IFIH1: variants seen among roughly 807,000 people sequenced by gnomAD.
The protein encoded by IFIH1 is interferon-induced helicase C domain-containing protein 1.
Under a neutral mutation model 107.4 loss-of-function variants are expected in IFIH1, and 125 were observed. The observed-to-expected ratio is 1.16, with a 90% CI of 1.01 to 1.35. IFIH1 has a LOEUF of 1.35. Among genes scored for constraint, IFIH1 ranks in the 40% most tolerant of loss-of-function variants. IFIH1 has a pLI of 0.00. For synonymous variants in IFIH1, 458 were observed against 413.2 expected, an observed-to-expected ratio of 1.11 and a Z score of -1.31; for missense variants, 1,333 against 1,213.7, an observed-to-expected ratio of 1.10 and a Z score of -1.46.
chr2:162,288,308 G>A lies in IFIH1; in HGVS notation c.922C>T (p.Leu308Phe). 6.2e-7 allele frequency: 1 copy of A among 1,612,740 alleles called. No individual in the cohort carries two copies. Among genetic ancestry groups the A allele is most frequent in the Non-Finnish European group, 8.5e-7 (1 of 1,179,196 alleles). The change falls in exon 5 of 16, where the codon CTC (leucine) becomes TTC (phenylalanine). Residue 308 changes from leucine to phenylalanine, a missense_variant. Coordinates refer to ENST00000649979, the MANE Select transcript of IFIH1 (RefSeq NM_022168.4). Reference protein sequence around the residue: ...ARASPEPELQLRPYQMEVAQP... With the variant: ...ARASPEPELQFRPYQMEVAQP... Reference sequence around the variant, plus strand: ...GCAACTTCCATTTGGTAAGGCCTGAGCTGGAGTTCTGGCTCCGGGGATGCT... The same window carrying A: ...GCAACTTCCATTTGGTAAGGCCTGAACTGGAGTTCTGGCTCCGGGGATGCT...
chr2:162,314,434 T>TTCTTTCTTTCTTTCTC lies in IFIH1; in HGVS notation c.453+3420_453+3421insGAGAAAGAAAGAAAGA, dbSNP rs1558877513. Among the ~76,000 whole-genome samples, 109 of 114,308 alleles carry TTCTTTCTTTCTTTCTC rather than the reference T, an allele frequency of 9.5e-4. 2 individuals are homozygous for TTCTTTCTTTCTTTCTC. Among genetic ancestry groups the TTCTTTCTTTCTTTCTC allele is most frequent in the Non-Finnish European group, 4.2e-4 (26 of 61,664 alleles). 75.0% of individuals were successfully genotyped at this position (114,308 alleles called of 152,430 possible). ...TTCTTTCTTTTCTTTCTTTCTTTCTTTCTTTCTTTCTTTCTTTCTTTCTTT... is the reference window on the plus strand; with the variant it reads ...TTCTTTCTTTTCTTTCTTTCTTTCTTTCTTTCTTTCTTTCTCTCTTTCTTTCTTTCTTTCTTTCTTT... On this transcript the variant is annotated intron_variant, in intron 1 of 15. Transcript: ENST00000649979.
At chr2:162,308,503 C>A (rs1367910231) in intron 2 of IFIH1, among the ~76,000 whole-genome samples, 1 of 151,938 alleles carries the variant, frequency 6.6e-6, no homozygotes, top group Non-Finnish European at 1.5e-5. Flanking sequence ...CTCAGCCTTC[C>A]AAGTAGCTGG....
intron 1 of IFIH1, among the ~76,000 whole-genome samples, chr2:162,315,226 G>A (rs960406198): frequency 2.0e-5 from 3 of 152,108 alleles, no homozygotes; most frequent in African/African-American, 7.2e-5. Flanking sequence ...TCTAACGCCT[G>A]GCAACACAAT....
chr2:162,304,166 C>T (rs946061873), intron 3 of IFIH1, among the ~76,000 whole-genome samples: 3 of 152,038 alleles, frequency 2.0e-5, no homozygotes, highest in African/African-American at 4.8e-5. Context: ...AAGGTGGAAT[C>T]GCATTACATT....
rs181772845 is a variant in IFIH1, at chr2:162,305,478, G to A, written c.769+1231C>T. Among the ~76,000 whole-genome samples the A allele has an allele frequency of 6.0e-3, 911 of 152,198 alleles. 11 individuals carry two copies. Among genetic ancestry groups the A allele is most frequent in the Middle Eastern group, 0.037 (11 of 294 alleles). On this transcript the variant is annotated intron_variant, in intron 3 of 15. Coordinates refer to ENST00000649979, the MANE Select transcript of IFIH1 (RefSeq NM_022168.4). ...CCAGCTACTTGGGAGGCTGAGGCAGGAGAATCACTTGAACCCGGGAGGTGA... is the reference window on the plus strand; with the variant it reads ...CCAGCTACTTGGGAGGCTGAGGCAGAAGAATCACTTGAACCCGGGAGGTGA...
chr2:162,310,268 G>A, intron 2 of IFIH1: 1 of 157,384 alleles, frequency 6.4e-6, no homozygotes, highest in African/African-American at 2.4e-5. Context: ...AAATAATGTA[G>A]GAGAAGGAGC....
intron 5 of IFIH1, among the ~76,000 whole-genome samples, chr2:162,284,535 G>A (rs762221732): frequency 1.3e-5 from 2 of 151,952 alleles, no homozygotes; most frequent in African/African-American, 2.4e-5. Flanking sequence ...GGGTGCAGTG[G>A]CAAAGGAAGA....
chr2:162,317,869 C>A lies in IFIH1; in HGVS notation c.439G>T (p.Glu147Ter). 6.3e-7 allele frequency: 1 copy of A among 1,581,856 alleles called. No homozygotes were observed. The highest frequency in any genetic ancestry group is 8.6e-7 in the Non-Finnish European group (1 of 1,164,784). Reference protein sequence around the residue: ...KCMEEELLTIEDRNRIAAAEN... With the variant: ...KCMEEELLTI ...CAGACACCTACCCGGTTTCTGTCTT[C>A]AATTGTCAACAGTTCCTCCTCCATG... is the stretch of plus-strand genomic sequence containing the variant. Residue 147 changes from glutamate to a stop codon, truncating the protein, a stop_gained, in exon 1 of 16, where the codon GAA becomes TAA. Transcript: ENST00000649979. LOFTEE classifies it high-confidence loss of function.
At chr2:162,304,301 A>C (rs1683242552) in intron 3 of IFIH1, among the ~76,000 whole-genome samples, 1 of 152,192 alleles carries the variant, frequency 6.6e-6, no homozygotes, top group Non-Finnish European at 1.5e-5. Context: ...TTCTCTAAAA[A>C]AAATACAAAA....
chr2:162,303,386 G>A (rs1419939187), intron 3 of IFIH1, among the ~76,000 whole-genome samples: 1 of 152,142 alleles, frequency 6.6e-6, no homozygotes, highest in African/African-American at 2.4e-5. Flanking sequence ...AAAGTCCTGG[G>A]ATTACAGGTG....
intron 2 of IFIH1, among the ~76,000 whole-genome samples, chr2:162,307,845 TCA>T (rs1451755955): frequency 6.6e-6 from 1 of 152,218 alleles, no homozygotes; most frequent in Non-Finnish European, 1.5e-5. Context: ...TATTTTGCAC[TCA>T]CAATATAAAT....
intron 7 of IFIH1, among the ~76,000 whole-genome samples, chr2:162,280,815 A>G (rs1430480081): frequency 6.6e-6 from 1 of 152,050 alleles, no homozygotes; most frequent in Non-Finnish European, 1.5e-5. Context: ...CAAGATTAAC[A>G]GTAGCACTGT....
At chr2:162,316,992 T>C (rs1042039775) in intron 1 of IFIH1, among the ~76,000 whole-genome samples, 1 of 151,562 alleles carries the variant, frequency 6.6e-6, no homozygotes, top group Admixed American at 6.6e-5. Context: ...TCAAAGAATG[T>C]TGAAACTTTG....
At chr2:162,288,413 A>G (rs938529189) in intron 4 of IFIH1, 58 bp from the exon 5 acceptor site, 1 of 1,346,184 alleles carries the variant, frequency 7.4e-7, no homozygotes, top group South Asian at 1.2e-5. Context: ...AGAGCTTAGG[A>G]AGCCTGAAAC....
At chr2:162,294,346 T>C (rs1683048511) in intron 3 of IFIH1, among the ~76,000 whole-genome samples, 1 of 151,984 alleles carries the variant, frequency 6.6e-6, no homozygotes, top group African/African-American at 2.4e-5. Context: ...CATTCTGTTT[T>C]CAGAACTCAG....
At chr2:162,310,489 T>A (rs1045433721) in intron 2 of IFIH1, 5 of 505,598 alleles carry the variant, frequency 9.9e-6, no homozygotes, top group Non-Finnish European at 1.7e-5. Context: ...TGTTACATAA[T>A]CTTGATAAAA....
intron 11 of IFIH1, 107 bp downstream of exon 11, chr2:162,276,580 G>A: frequency 8.2e-7 from 1 of 1,223,196 alleles, no homozygotes. Flanking sequence ...TCTTCAGCCT[G>A]AGTGACAGAG....
chr2:162,317,790 C>A (rs1236663363), intron 1 of IFIH1, 65 bp downstream of exon 1: 6 of 1,348,784 alleles, frequency 4.4e-6, no homozygotes, highest in Admixed American at 4.6e-5. Context: ...AAGGGGCAAA[C>A]GCACAAGGAA....
chr2:162,272,215 A>C lies in IFIH1; in HGVS notation c.2616+11T>G. On this transcript the variant is annotated intron_variant, in intron 13 of 15. Coordinates refer to ENST00000649979, the MANE Select transcript of IFIH1 (RefSeq NM_022168.4). The stretch of plus-strand genomic sequence containing the variant: ...TAAATGAAAATCAAATTCAGAGGTG[A>C]CCAACAATACCTTATGAGCATACTC... 1 of 1,605,406 alleles carries C rather than the reference A, an allele frequency of 6.2e-7. No individual in the cohort carries two copies. The highest frequency in any genetic ancestry group is 8.5e-7 in the Non-Finnish European group (1 of 1,174,942).
Sources: allele counts gnomAD v4.1 joint callset (sites outside exome capture counted in the v4.1 genomes callset), GRCh38; gene constraint gnomAD v4.1.1; transcripts MANE v1.5; gene names NCBI Gene and HGNC (gene_info 2026-07-23, HGNC 2026-07-21).